FHOD3: variants seen among roughly 807,000 people sequenced by gnomAD.
FHOD3 encodes formin homology 2 domain containing 3.
A neutral mutation model predicts 173.0 loss-of-function variants in FHOD3; 90 were observed. That is an observed-to-expected ratio of 0.52 (90% confidence interval 0.44 to 0.62). FHOD3 has a LOEUF of 0.62. FHOD3 is among the 20% of genes least tolerant of loss of function. The pLI, the probability that FHOD3 is intolerant of heterozygous loss-of-function variation, is 0.00. For missense variants in FHOD3, 1,945 were observed against 2,034.7 expected, an observed-to-expected ratio of 0.96 and a Z score of 0.85; for synonymous variants, 828 against 823.0, an observed-to-expected ratio of 1.01 and a Z score of -0.10.
rs73423293 is a variant in FHOD3, at chr18:36,524,393, A to G, written c.511+11850A>G. 3.9e-3 allele frequency among the ~76,000 whole-genome samples: 591 copies of G among 152,114 alleles called. 5 individuals are homozygous for G. The highest frequency in any genetic ancestry group is 0.014 in the African/African-American group (567 of 41,500). ...AGTGTTAGTTTATATTCAGGAATTC[A>G]TATGTACATGGTGAGGCCAGGGGCG... On this transcript the variant is annotated intron_variant, in intron 5 of 28. Coordinates refer to ENST00000590592, the MANE Select transcript of FHOD3 (RefSeq NM_001281740.3).
At chr18:36,518,994 G>A (rs2056134700) in intron 5 of FHOD3, among the ~76,000 whole-genome samples, 1 of 152,178 alleles carries the variant, frequency 6.6e-6, no homozygotes, top group South Asian at 2.1e-4. Flanking sequence ...TCCCTGGGAG[G>A]GGAAGGGAGG....
Position 36,373,827 on chromosome 18 carries a change from G to A in FHOD3, c.337+1083G>A, listed in dbSNP as rs2047308179. Among the ~76,000 whole-genome samples, 5 of 152,136 alleles carry A rather than the reference G, an allele frequency of 3.3e-5. No individual in the cohort carries two copies. In the South Asian group the frequency reaches 8.3e-4, roughly 25 times the overall value. On this transcript the variant is annotated intron_variant, in intron 3 of 28. Transcript: ENST00000590592. Reference sequence around the variant, plus strand: ...TGTATATGGGCACTTATATTAAATCGTGGCTTTTTTATTACCTGCTTCGTG... The same window carrying A: ...TGTATATGGGCACTTATATTAAATCATGGCTTTTTTATTACCTGCTTCGTG...
chr18:36,541,091 A>G (rs1178752039), intron 5 of FHOD3, among the ~76,000 whole-genome samples: 1 of 151,684 alleles, frequency 6.6e-6, no homozygotes, highest in African/African-American at 2.4e-5. Context: ...TCTCTACTAA[A>G]TATACAAAAA....
rs762279226 is a variant in FHOD3, at chr18:36,540,056, T to A, written c.511+27513T>A. Among the ~76,000 whole-genome samples, 4 of 152,094 alleles carry A rather than the reference T, an allele frequency of 2.6e-5. No individual in the cohort carries two copies. The South Asian group carries it at 8.3e-4, about 32-fold the overall frequency. On this transcript the variant is annotated intron_variant, in intron 5 of 28. Coordinates refer to ENST00000590592, the MANE Select transcript of FHOD3 (RefSeq NM_001281740.3). ...TTCCAACAAGCATATTTTCCAGAGATCAAAGCAGATTCCTCGATGACACAC... is the reference window on the plus strand; with the variant it reads ...TTCCAACAAGCATATTTTCCAGAGAACAAAGCAGATTCCTCGATGACACAC...
At chr18:36,557,811 A>G (rs2057947400) in intron 5 of FHOD3, among the ~76,000 whole-genome samples, 1 of 152,184 alleles carries the variant, frequency 6.6e-6, no homozygotes, top group South Asian at 2.1e-4. Context: ...ATATTTTTGT[A>G]TTCTTTATAA....
chr18:36,433,304 A>G (rs2050650455), intron 3 of FHOD3, among the ~76,000 whole-genome samples: 1 of 152,156 alleles, frequency 6.6e-6, no homozygotes, highest in African/African-American at 2.4e-5. Context: ...TACTCCTGTA[A>G]ACATTTACTC....
At chr18:36,302,394 TC>T (rs929514483) in intron 1 of FHOD3, among the ~76,000 whole-genome samples, 2 of 151,794 alleles carry the variant, frequency 1.3e-5, no homozygotes, top group Non-Finnish European at 2.9e-5. Context: ...CCACCGCCCC[TC>T]CCCCCCGACC....
At chr18:36,501,257 G>GA (rs1214107184) in intron 3 of FHOD3, among the ~76,000 whole-genome samples, 1 of 152,246 alleles carries the variant, frequency 6.6e-6, no homozygotes, top group Non-Finnish European at 1.5e-5. Flanking sequence ...ACATGAGTGA[G>GA]AAAACAGGCC....
intron 3 of FHOD3, among the ~76,000 whole-genome samples, chr18:36,455,140 A>G (rs968522279): frequency 2.0e-5 from 3 of 152,210 alleles, no homozygotes; most frequent in African/African-American, 7.2e-5. Context: ...CATGTGTCCA[A>G]TCTGCCATGT....
intron 1 of FHOD3, among the ~76,000 whole-genome samples, chr18:36,343,273 G>T (rs921401048): frequency 7.9e-5 from 12 of 152,026 alleles, no homozygotes; most frequent in Non-Finnish European, 8.8e-5. Context: ...CATCAACTGA[G>T]GAATGGATAA....
At position 36,367,533 on chromosome 18, in the gene FHOD3, C is replaced by G. The variant is rs116372647; in HGVS notation, c.273-5147C>G. On this transcript the variant is annotated intron_variant, in intron 2 of 28. Coordinates refer to ENST00000590592, the MANE Select transcript of FHOD3 (RefSeq NM_001281740.3). ...TCATCTTGCTGCAAAAACACAGACT[C>G]AAAAGGAGTGGCAGCTGCAAAACTA... is the stretch of plus-strand genomic sequence containing the variant. 8.4e-3 allele frequency among the ~76,000 whole-genome samples: 1,284 copies of G among 152,238 alleles called. 16 individuals are homozygous for G. Among genetic ancestry groups the G allele is most frequent in the African/African-American group, 0.029 (1,196 of 41,530 alleles).
chr18:36,469,137 A>C (rs2053126840), intron 3 of FHOD3, among the ~76,000 whole-genome samples: 1 of 152,046 alleles, frequency 6.6e-6, no homozygotes, highest in Non-Finnish European at 1.5e-5. Flanking sequence ...ACAGGGGTGT[A>C]ATTTTCTGTT....
Position 36,763,316 on chromosome 18 carries a change from TGC to T in FHOD3, c.4624+2536_4624+2537del, listed in dbSNP as rs2042985893. On this transcript the variant is annotated intron_variant, in intron 27 of 28. Transcript: ENST00000590592. ...CGTATTATACACGTTATATACAATA[TGC>T]GTATTATACACGTTATATACAATAT... Among the ~76,000 whole-genome samples, 8 of 139,588 alleles carry T rather than the reference TGC, an allele frequency of 5.7e-5. No homozygotes were observed. The South Asian group carries it at 1.8e-3, about 31-fold the overall frequency. 91.6% of individuals were successfully genotyped at this position (139,588 alleles called of 152,430 possible).
At chr18:36,298,022 TG>T in intron 1 of FHOD3, 22 bp downstream of exon 1, 1 of 1,499,194 alleles carries the variant, frequency 6.7e-7, no homozygotes, top group Non-Finnish European at 8.9e-7. Flanking sequence ...CGGGGTGGGC[TG>T]GGCCCCCTGG....
chr18:36,645,829 A>T (rs928296395), intron 10 of FHOD3, among the ~76,000 whole-genome samples: 1 of 152,284 alleles, frequency 6.6e-6, no homozygotes, highest in African/African-American at 2.4e-5. Context: ...TAGCTCTTTA[A>T]CAGAAAAAAG....
chr18:36,471,940 C>G (rs1199646525), intron 3 of FHOD3, among the ~76,000 whole-genome samples: 1 of 152,102 alleles, frequency 6.6e-6, no homozygotes, highest in African/African-American at 2.4e-5. Context: ...GAATCCAATC[C>G]AGATGGAGAA....
At chr18:36,411,971 C>T (rs2049375647) in intron 3 of FHOD3, among the ~76,000 whole-genome samples, 1 of 152,248 alleles carries the variant, frequency 6.6e-6, no homozygotes, top group Non-Finnish European at 1.5e-5. Context: ...CTAAAATAGA[C>T]TCTTCCTGGT....
intron 2 of FHOD3, among the ~76,000 whole-genome samples, chr18:36,370,181 A>T (rs1598868435): frequency 6.6e-6 from 1 of 152,062 alleles, no homozygotes; most frequent in South Asian, 2.1e-4. Context: ...CCTCTTCCCC[A>T]CCTCAGCCTG....
intron 14 of FHOD3, among the ~76,000 whole-genome samples, chr18:36,667,103 G>C (rs1264507200): frequency 6.6e-6 from 1 of 152,110 alleles, no homozygotes; most frequent in Non-Finnish European, 1.5e-5. Context: ...AATTTCTTTT[G>C]ATTGAGTAGT....
Sources: allele counts gnomAD v4.1 joint callset (sites outside exome capture counted in the v4.1 genomes callset), GRCh38; gene constraint gnomAD v4.1.1; transcripts MANE v1.5; gene names NCBI Gene and HGNC (gene_info 2026-07-23, HGNC 2026-07-21).